CFAP74: variants seen among roughly 807,000 people sequenced by gnomAD.
CFAP74 encodes cilia and flagella associated protein 74.
CFAP74 carries 124 observed loss-of-function variants against 188.9 expected under a neutral mutation model. The ratio of observed to expected loss-of-function variants is 0.66; its 90% CI spans 0.57 to 0.76. CFAP74 has a LOEUF of 0.76. Ranked by LOEUF, CFAP74 falls within the 30% of genes least tolerant of loss-of-function variation. The probability of loss-of-function intolerance (pLI) is 0.00; values close to 1 mark genes in which losing one functional copy is unlikely to be tolerated. For synonymous variants in CFAP74, 956 were observed against 916.7 expected (o/e 1.04, Z -0.77); for missense variants, 2,198 against 2,165.2 (o/e 1.02, Z -0.30).
intron 27 of CFAP74, 39 bp from the exon 28 acceptor site, chr1:1,927,785 C>T: frequency 6.5e-7 from 1 of 1,534,662 alleles, no homozygotes; most frequent in Non-Finnish European, 8.8e-7. Context: ...TGTGCAGGGC[C>T]CTAAACACAG....
chr1:1,974,164 GC>G lies in CFAP74; in HGVS notation c.534del (p.Arg179AspfsTer44). Reference protein sequence around the residue: ...NTMWHIEIQEGRLEAFRTADR... With the variant: ...NTMWHIEIQEXRLEAFRTADR... ...TCAGCTGTCCGGAAGGCCTCGAGTCGCCCCTCCTGGATCTCGATGTGCCACA... is the reference window on the plus strand; with the variant it reads ...TCAGCTGTCCGGAAGGCCTCGAGTCGCCCTCCTGGATCTCGATGTGCCACA... On this transcript the variant is annotated frameshift_variant, in exon 7 of 39. Coordinates refer to ENST00000682832, the MANE Select transcript of CFAP74 (RefSeq NM_001304360.2). LOFTEE classifies it high-confidence loss of function. The G allele has an allele frequency of 6.2e-7, 1 of 1,609,798 alleles. No individual in the cohort carries two copies. The highest frequency in any genetic ancestry group is 8.5e-7 in the Non-Finnish European group (1 of 1,177,778).
Position 1,974,136 on chromosome 1 carries a change from C to G in CFAP74, c.563G>C (p.Arg188Pro). The change falls in exon 7 of 39, where the codon CGT becomes CCT. Residue 188 changes from arginine (R) to proline (P), a missense_variant. By Grantham distance (103) the Arg-to-Pro change is moderately radical. Coordinates refer to ENST00000682832, the MANE Select transcript of CFAP74 (RefSeq NM_001304360.2). ...CCGCCCCGTGGCCTCCACCTCCTCA[C>G]GGTCAGCTGTCCGGAAGGCCTCGAG... ...GRLEAFRTAD[R>P]EEVEATGRRL... 6.2e-7 allele frequency: 1 copy of G among 1,612,684 alleles called. No homozygotes were observed. Among genetic ancestry groups the G allele is most frequent in the Admixed American group, 1.7e-5 (1 of 59,900 alleles).
chr1:1,960,120 C>T (rs781269397), intron 14 of CFAP74, 90 bp from the exon 15 acceptor site: 4 of 1,123,896 alleles, frequency 3.6e-6, no homozygotes, highest in African/African-American at 3.3e-5. Flanking sequence ...GGCTGGGCCT[C>T]CTGGCCTCCT....
rs759068125 is a variant in CFAP74, at chr1:1,923,907, C to G, written c.4257G>C (p.Gln1419His). The G allele has an allele frequency of 1.9e-6, 3 of 1,612,044 alleles. No homozygotes were observed. Among genetic ancestry groups the G allele is most frequent in the Admixed American group, 1.7e-5 (1 of 59,828 alleles). The change falls in exon 35 of 39, where the codon CAG (glutamine) becomes CAC (histidine). Residue 1419 changes from glutamine to histidine, a missense_variant. By Grantham distance (24) the Gln-to-His change is conservative. Transcript: ENST00000682832. The surrounding 1 kb of genome is among the most constrained non-coding windows in gnomAD (Gnocchi z 6.3). ...TGACGGGGGCCACGCTGAACACGCT[C>G]TGACCGTTGAGATTCTGCGTCCCTG... is the stretch of plus-strand genomic sequence containing the variant. ...EVVGTQNLNGQSVFSVAPVKG... is the reference protein window; with the variant it reads ...EVVGTQNLNGHSVFSVAPVKG...
chr1:1,977,510 G>C (rs1363930017), intron 6 of CFAP74, among the ~76,000 whole-genome samples: 3 of 152,164 alleles, frequency 2.0e-5, no homozygotes, highest in Non-Finnish European at 4.4e-5. Context: ...GATGCTCCCA[G>C]GGGCAAGAAC....
chr1:1,955,883 G>T, intron 17 of CFAP74, 33 bp from the exon 18 acceptor site: 1 of 1,587,614 alleles, frequency 6.3e-7, no homozygotes, highest in Non-Finnish European at 8.6e-7. Flanking sequence ...TGGCTTGGGA[G>T]GTTTCCCACC....
intron 25 of CFAP74, among the ~76,000 whole-genome samples, chr1:1,932,082 A>C (rs1652440756): frequency 1.5e-5 from 1 of 64,952 alleles, no homozygotes; most frequent in African/African-American, 3.9e-5. Flanking sequence ...AAAAAAAACA[A>C]AAAACAAAAA....
At position 1,930,169 on chromosome 1, in the gene CFAP74, A is replaced by C. The variant is rs748603211; in HGVS notation, c.3179T>G (p.Ile1060Ser). 1 of 1,535,560 alleles carries C rather than the reference A, an allele frequency of 6.5e-7. No homozygotes were observed. Among genetic ancestry groups the C allele is most frequent in the African/African-American group, 1.4e-5 (1 of 73,030 alleles). ...MSSPTHSKPR[I>S]GSEDASPMGP... ...CATGGGAGAGGCGTCCTCTGAGCCAATGCGGGGCTTGGAGTGGGTCGGTGA... is the reference window on the plus strand; with the variant it reads ...CATGGGAGAGGCGTCCTCTGAGCCACTGCGGGGCTTGGAGTGGGTCGGTGA... Residue 1060 changes from isoleucine to serine, a missense_variant, in exon 26 of 39, where the codon ATT becomes AGT. Physicochemically the swap from Ile to Ser is moderately radical, Grantham distance 142 (BLOSUM62 -2). Transcript: ENST00000682832.
chr1:1,934,564 CGT>C (rs535370523), intron 25 of CFAP74, among the ~76,000 whole-genome samples: 76 of 127,336 alleles, frequency 6.0e-4, no homozygotes, highest in African/African-American at 1.7e-3. Context: ...TAGGTACACA[CGT>C]GTGTACGTGG....
In CFAP74 at chr1:1,927,759, C is replaced by T. The variant is rs373198117; in HGVS notation, c.3388-13G>A. 5 of 1,548,042 alleles carry T rather than the reference C, an allele frequency of 3.2e-6. No individual in the cohort carries two copies. Among genetic ancestry groups the T allele is most frequent in the Non-Finnish European group, 4.4e-6 (5 of 1,145,600 alleles). On this transcript the variant is annotated splice_polypyrimidine_tract_variant and intron_variant, in intron 27 of 38. Transcript: ENST00000682832. ...TATTCTTTCGGAACTGTGGGGGGAG[C>T]GACTGGCTGTGGGGCTGTGCAGGGC...
At chr1:1,995,326 T>C (rs1010852592) in intron 1 of CFAP74, among the ~76,000 whole-genome samples, 13 of 151,946 alleles carry the variant, frequency 8.6e-5, no homozygotes, top group Non-Finnish European at 1.6e-4. Flanking sequence ...ACCCCGTCTC[T>C]ACTAAAAATA....
chr1:1,994,582 G>A (rs1198092991), intron 1 of CFAP74, among the ~76,000 whole-genome samples: 1 of 152,032 alleles, frequency 6.6e-6, no homozygotes, highest in African/African-American at 2.4e-5. Context: ...GTCTTTGAAT[G>A]GCAGGATTTT....
chr1:1,986,228 C>CAA (rs370442832), intron 5 of CFAP74, among the ~76,000 whole-genome samples: 2 of 151,644 alleles, frequency 1.3e-5, no homozygotes, highest in African/African-American at 4.8e-5. Flanking sequence ...ACTAAAAATA[C>CAA]AAAAAAAAAT....
chr1:1,974,009 C>T lies in CFAP74; in HGVS notation c.674+16G>A, dbSNP rs2102083979. The T allele has an allele frequency of 6.5e-7, 1 of 1,536,442 alleles. No homozygotes were observed. Among genetic ancestry groups the T allele is most frequent in the Non-Finnish European group, 8.8e-7 (1 of 1,136,484 alleles). ...GCTGCTGGGAAGGGATGGAGGTGGG[C>T]CTGGGTGTCGCCTACCTGATCCTCA... On this transcript the variant is annotated intron_variant, in intron 7 of 38. Coordinates refer to ENST00000682832, the MANE Select transcript of CFAP74 (RefSeq NM_001304360.2).
Position 1,980,422 on chromosome 1 carries a change from C to A in CFAP74, c.500+4964G>T, listed in dbSNP as rs1247122244. 4.2e-5 allele frequency among the ~76,000 whole-genome samples: 6 copies of A among 142,206 alleles called. 1 individual carries two copies. Among genetic ancestry groups the A allele is most frequent in the Admixed American group, 4.2e-4 (6 of 14,274 alleles). 93.3% of individuals were successfully genotyped at this position (142,206 alleles called of 152,430 possible). ...CCACCGGCACAGATCGCAGTGGGCG[C>A]CCTCTTACCGTGTGGGGAGGACGGG... On this transcript the variant is annotated intron_variant, in intron 6 of 38. Transcript: ENST00000682832.
intron 21 of CFAP74, 38 bp downstream of exon 21, chr1:1,944,293 G>A (rs112121308): frequency 5.9e-6 from 9 of 1,525,266 alleles, no homozygotes; most frequent in Middle Eastern, 2.2e-4. Context: ...CCCCGTGTGC[G>A]TGGGTCACCC....
At position 1,992,337 on chromosome 1, in the gene CFAP74, A is replaced by G. The variant is rs558985466; in HGVS notation, c.-19-1362T>C. On this transcript the variant is annotated intron_variant, in intron 1 of 38. Coordinates refer to ENST00000682832, the MANE Select transcript of CFAP74 (RefSeq NM_001304360.2). Reference sequence around the variant, plus strand: ...TGCCGCCATGCCCAGGTAATTTTCAAATTATTGGTTGAGATGGTGGGTCTC... The same window carrying G: ...TGCCGCCATGCCCAGGTAATTTTCAGATTATTGGTTGAGATGGTGGGTCTC... 4.0e-5 allele frequency among the ~76,000 whole-genome samples: 6 copies of G among 151,858 alleles called. No homozygotes were observed. In the East Asian group the frequency reaches 1.2e-3, roughly 30 times the overall value.
In CFAP74 at chr1:1,955,849, C is replaced by T. The variant is rs1379159827; in HGVS notation, c.2018G>A (p.Ser673Asn). Reference protein sequence around the residue: ...MDDSQSALKLSSLLTYEDKSL... With the variant: ...MDDSQSALKLNSLLTYEDKSL... ...TTTATCTTCGTAGGTCAGGAGACTG[C>T]TCTAGAGAGGAGAATCAACATCCTG... The change falls in exon 18 of 39, where the codon AGC becomes AAC. Residue 673 changes from serine to asparagine, a missense_variant and splice_region_variant. Coordinates refer to ENST00000682832, the MANE Select transcript of CFAP74 (RefSeq NM_001304360.2). 8 of 1,608,856 alleles carry T rather than the reference C, an allele frequency of 5.0e-6. No homozygotes were observed. The highest frequency in any genetic ancestry group is 6.8e-6 in the Non-Finnish European group (8 of 1,177,318).
Position 1,939,064 on chromosome 1 carries a change from T to A in CFAP74, c.2878-76A>T, listed in dbSNP as rs1243485447. On this transcript the variant is annotated intron_variant, in intron 24 of 38. Coordinates refer to ENST00000682832, the MANE Select transcript of CFAP74 (RefSeq NM_001304360.2). ...CACACGTGCGGCAGGGCCGTGAGTG[T>A]GAGAGTAAGAGATGAGTGTGATCGT... 30 of 1,427,910 alleles carry A rather than the reference T, an allele frequency of 2.1e-5. No individual in the cohort carries two copies. In the East Asian group the frequency reaches 6.8e-4, roughly 32 times the overall value. 88.5% of individuals were successfully genotyped at this position (1,427,910 alleles called of 1,614,324 possible). A position where few individuals can be genotyped will look rare whatever the true frequency, so the allele number is the denominator to read the frequency against.
Sources: allele counts gnomAD v4.1 joint callset (sites outside exome capture counted in the v4.1 genomes callset), GRCh38; gene constraint gnomAD v4.1.1; non-coding constraint Gnocchi (gnomAD v3.1); transcripts MANE v1.5; gene names NCBI Gene and HGNC (gene_info 2026-07-23, HGNC 2026-07-21).